The following ROBO2 variants were observed in gnomAD, a reference collection of about 807,000 sequenced individuals.
ROBO2 encodes roundabout guidance receptor 2, also known as roundabout homolog 2.
Under a neutral mutation model 160.8 loss-of-function variants are expected in ROBO2, and 53 were observed. That is an observed-to-expected ratio of 0.33 (90% confidence interval 0.26 to 0.41). The LOEUF (loss-of-function observed/expected upper bound fraction) is 0.41, where lower values mean the gene tolerates loss of function less well. Ranked by LOEUF, ROBO2 falls within the 10% of genes least tolerant of loss-of-function variation. The pLI is 1.00. For missense variants in ROBO2, 1,577 were observed against 1,722.4 expected (o/e 0.92, Z 1.49); for synonymous variants, 664 against 611.7 (o/e 1.09, Z -1.26).
At chr3:77,625,998 T>A in intron 23 of ROBO2, among the ~76,000 whole-genome samples, 1 of 152,132 alleles carries the variant, frequency 6.6e-6, no homozygotes, top group East Asian at 1.9e-4. Flanking sequence ...ACCCACCTGA[T>A]AAATGGAAGA....
chr3:77,512,965 A>G (rs1171503286), intron 5 of ROBO2, among the ~76,000 whole-genome samples: 2 of 151,924 alleles, frequency 1.3e-5, no homozygotes, highest in African/African-American at 4.8e-5. Context: ...CTAGAATTGG[A>G]GCCAGAAATC....
At chr3:76,254,100 G>A (rs1432679753) in intron 2 of ROBO2, among the ~76,000 whole-genome samples, 1 of 152,010 alleles carries the variant, frequency 6.6e-6, no homozygotes, top group Admixed American at 6.6e-5. Context: ...AGTAGGAGTA[G>A]TTTTTTACTT....
At chr3:77,179,671 C>T (rs1560174824) in intron 2 of ROBO2, among the ~76,000 whole-genome samples, 1 of 152,008 alleles carries the variant, frequency 6.6e-6, no homozygotes, top group Non-Finnish European at 1.5e-5. Context: ...TTCTTTTAAA[C>T]CTTGAATGTA....
intron 2 of ROBO2, among the ~76,000 whole-genome samples, chr3:77,290,095 G>A (rs1211689261): frequency 6.6e-5 from 10 of 151,400 alleles, no homozygotes; most frequent in South Asian, 2.1e-4. Flanking sequence ...ACGGTTAAAC[G>A]GATAAGCTGA....
At chr3:76,113,742 T>C (rs2108250955) in intron 2 of ROBO2, among the ~76,000 whole-genome samples, 1 of 152,238 alleles carries the variant, frequency 6.6e-6, no homozygotes, top group East Asian at 1.9e-4. Flanking sequence ...TGTTTTGCCT[T>C]CCAAAACCTC....
chr3:76,495,353 T>A (rs1003194917), intron 2 of ROBO2, among the ~76,000 whole-genome samples: 2 of 152,000 alleles, frequency 1.3e-5, no homozygotes, highest in Admixed American at 6.6e-5. Flanking sequence ...GTGCCTGAGT[T>A]GTGTATTAAT....
rs2089212321 is a variant in ROBO2 at position 76,622,245 on chromosome 3, A to AGAAG, written c.110-475766_110-475765insGGAA. ...AAGGAAGGAAGGAAGGAAGAAAGAA[A>AGAAG]GAAAGAAAGAAAGAAAGAAAGAAAG... On this transcript the variant is annotated intron_variant, in intron 2 of 26. Transcript: ENST00000487694. Among the ~76,000 whole-genome samples, 26 of 44,166 alleles carry AGAAG rather than the reference A, an allele frequency of 5.9e-4. 2 individuals carry two copies. Among genetic ancestry groups the AGAAG allele is most frequent in the African/African-American group, 1.9e-3 (20 of 10,432 alleles). 29.0% of individuals were successfully genotyped at this position (44,166 alleles called of 152,430 possible).
intron 2 of ROBO2, among the ~76,000 whole-genome samples, chr3:76,905,930 T>TA (rs2075572580): frequency 6.6e-6 from 1 of 152,212 alleles, no homozygotes; most frequent in Non-Finnish European, 1.5e-5. Context: ...TTTCATCTCT[T>TA]AATGGCTTTA....
intron 1 of ROBO2, among the ~76,000 whole-genome samples, chr3:75,907,189 G>A (rs1218157807): frequency 6.6e-6 from 1 of 152,194 alleles, no homozygotes; most frequent in Non-Finnish European, 1.5e-5. Context: ...TGGGGTTTTA[G>A]GAAATGTCCC....
At chr3:76,688,248 G>A (rs1350306927) in intron 2 of ROBO2, among the ~76,000 whole-genome samples, 3 of 151,846 alleles carry the variant, frequency 2.0e-5, no homozygotes, top group Non-Finnish European at 4.4e-5. Context: ...TCAGAAAACC[G>A]CAAAATGATC....
intron 2 of ROBO2, among the ~76,000 whole-genome samples, chr3:76,521,844 A>T (rs886796212): frequency 2.6e-5 from 4 of 152,208 alleles, no homozygotes; most frequent in Admixed American, 6.5e-5. Context: ...TATATTAAAT[A>T]TAACTCAATT....
At chr3:77,425,450 T>G (rs904040255) in intron 2 of ROBO2, among the ~76,000 whole-genome samples, 1 of 152,022 alleles carries the variant, frequency 6.6e-6, no homozygotes, top group Non-Finnish European at 1.5e-5. Context: ...GGGTGATACA[T>G]AAACTTAGAG....
intron 2 of ROBO2, among the ~76,000 whole-genome samples, chr3:76,442,410 A>G (rs2076967160): frequency 6.6e-6 from 1 of 152,094 alleles, no homozygotes; most frequent in Non-Finnish European, 1.5e-5. Flanking sequence ...GTGGAAAGAG[A>G]GCAGAGCATA....
chr3:76,752,684 C>T (rs373144327), intron 2 of ROBO2, among the ~76,000 whole-genome samples: 19 of 151,798 alleles, frequency 1.3e-4, no homozygotes, highest in Non-Finnish European at 1.9e-4. Context: ...AAAGAGTTTC[C>T]GTGTTACTGA....
chr3:76,553,116 A>G (rs1370913253), intron 2 of ROBO2, among the ~76,000 whole-genome samples: 2 of 152,166 alleles, frequency 1.3e-5, no homozygotes, highest in Non-Finnish European at 2.9e-5. Flanking sequence ...ACCTTGAGAG[A>G]AAGCTGAGAT....
intron 2 of ROBO2, among the ~76,000 whole-genome samples, chr3:76,801,118 A>T (rs1471501282): frequency 1.3e-5 from 2 of 152,236 alleles, no homozygotes; most frequent in Non-Finnish European, 2.9e-5. Flanking sequence ...ATAACACTGG[A>T]GGACATTATG....
chr3:75,922,645 A>G (rs1283682493), intron 1 of ROBO2, among the ~76,000 whole-genome samples: 6 of 152,100 alleles, frequency 3.9e-5, no homozygotes, highest in Admixed American at 3.3e-4. Context: ...ATGCAAAAAC[A>G]ATAGAGAGCA....
chr3:76,475,252 A>G (rs1435524824), intron 2 of ROBO2, among the ~76,000 whole-genome samples: 1 of 152,134 alleles, frequency 6.6e-6, no homozygotes, highest in Non-Finnish European at 1.5e-5. Context: ...ACAGGTTTAA[A>G]GCAGAGAGAA....
intron 2 of ROBO2, among the ~76,000 whole-genome samples, chr3:76,789,453 A>C (rs879609060): frequency 6.6e-6 from 1 of 151,482 alleles, no homozygotes; most frequent in African/African-American, 2.4e-5. Flanking sequence ...TCAGCACAAG[A>C]TAAGGTGGCA....
Sources: allele counts gnomAD v4.1 joint callset (sites outside exome capture counted in the v4.1 genomes callset), GRCh38; gene constraint gnomAD v4.1.1; transcripts MANE v1.5; gene names NCBI Gene and HGNC (gene_info 2026-07-23, HGNC 2026-07-21).